RTN1: variants seen among roughly 807,000 people sequenced by gnomAD.
RTN1 encodes the protein reticulon-1.
A neutral mutation model predicts 65.5 loss-of-function variants in RTN1; 25 were observed. The ratio of observed to expected loss-of-function variants is 0.38; its 90% CI spans 0.28 to 0.53. The LOEUF (loss-of-function observed/expected upper bound fraction) is 0.53. Among genes scored for constraint, RTN1 ranks in the 20% least tolerant of loss-of-function variants. The pLI, the probability that RTN1 is intolerant of heterozygous loss-of-function variation, is 0.79. For synonymous variants in RTN1, 471 were observed against 447.6 expected (o/e 1.05, Z -0.66); for missense variants, 983 against 1,025.4 (o/e 0.96, Z 0.57).
At chr14:59,852,676 T>C (rs948689185) in intron 1 of RTN1, among the ~76,000 whole-genome samples, 13 of 152,226 alleles carry the variant, frequency 8.5e-5, no homozygotes, top group African/African-American at 3.1e-4. Context: ...GAGCCATGAC[T>C]GGAATCCAAT....
intron 3 of RTN1, among the ~76,000 whole-genome samples, chr14:59,656,906 G>A (rs1048391130): frequency 6.6e-6 from 1 of 151,930 alleles, no homozygotes; most frequent in Admixed American, 6.6e-5. Flanking sequence ...GCATTCTACA[G>A]CAGTTCTAGA....
chr14:59,820,603 G>GT (rs932084053), intron 1 of RTN1, among the ~76,000 whole-genome samples: 5 of 152,082 alleles, frequency 3.3e-5, no homozygotes, highest in African/African-American at 1.2e-4. Flanking sequence ...GGTCGGTGCA[G>GT]TTTCAGTCTT....
chr14:59,819,037 G>T (rs536707931), intron 1 of RTN1, among the ~76,000 whole-genome samples: 1 of 152,114 alleles, frequency 6.6e-6, no homozygotes, highest in South Asian at 2.1e-4. Context: ...GCACACCTTC[G>T]CAGTGAGTGT....
chr14:59,649,276 T>G (rs1182346073), intron 3 of RTN1, among the ~76,000 whole-genome samples: 2 of 152,098 alleles, frequency 1.3e-5, no homozygotes, highest in African/African-American at 4.8e-5. Context: ...ATTGAAGACT[T>G]AAAAGTAAGA....
chr14:59,839,825 C>A (rs1887279241), intron 1 of RTN1, among the ~76,000 whole-genome samples: 1 of 151,716 alleles, frequency 6.6e-6, no homozygotes, highest in African/African-American at 2.4e-5. Context: ...AATGAATTTC[C>A]TTTGTAGAAA....
rs1476008585 is a variant in RTN1, at chr14:59,749,284, A to G, written c.242-2803T>C. On this transcript the variant is annotated intron_variant, in intron 1 of 8. Coordinates refer to ENST00000267484, the MANE Select transcript of RTN1 (RefSeq NM_021136.3). Reference sequence around the variant, plus strand: ...TATATATCTATATATATATCTATATATATCTATATATATCTATATATATCT... The same window carrying G: ...TATATATCTATATATATATCTATATGTATCTATATATATCTATATATATCT... Among the ~76,000 whole-genome samples, 2 of 67,440 alleles carry G rather than the reference A, an allele frequency of 3.0e-5. 1 individual carries two copies. Among genetic ancestry groups the G allele is most frequent in the Non-Finnish European group, 4.6e-5 (2 of 43,378 alleles). The allele number at this position is 67,440 out of a possible 152,430, so 44.2% of individuals were successfully genotyped here. A position where few individuals can be genotyped will look rare whatever the true frequency, so the allele number is the denominator to read the frequency against.
chr14:59,819,352 C>T (rs1238140888), intron 1 of RTN1, among the ~76,000 whole-genome samples: 7 of 136,950 alleles, frequency 5.1e-5, no homozygotes. Context: ...GATTGGTCCA[C>T]TTTACAGAGA....
intron 1 of RTN1, among the ~76,000 whole-genome samples, chr14:59,820,356 GTTTTTTTT>G (rs34274539): frequency 2.5e-5 from 2 of 79,330 alleles, no homozygotes; most frequent in East Asian, 4.6e-4. Context: ...CTTATTGATA[GTTTTTTTT>G]TTTTTTTTTT....
chr14:59,679,929 G>A (rs887739723), intron 3 of RTN1, among the ~76,000 whole-genome samples: 2 of 152,132 alleles, frequency 1.3e-5, no homozygotes, highest in African/African-American at 4.8e-5. Context: ...TAAAAAAATA[G>A]AACTTCTTAA....
chr14:59,748,835 G>A (rs1885286044), intron 1 of RTN1, among the ~76,000 whole-genome samples: 1 of 151,904 alleles, frequency 6.6e-6, no homozygotes, highest in Non-Finnish European at 1.5e-5. Context: ...TGTCGCCCAG[G>A]CTGGAGTGCA....
chr14:59,785,491 A>T (rs1309669614), intron 1 of RTN1, among the ~76,000 whole-genome samples: 1 of 152,166 alleles, frequency 6.6e-6, no homozygotes, highest in Admixed American at 6.6e-5. Context: ...TCTCTACCTA[A>T]ATACATTTGT....
Position 59,846,323 on chromosome 14 carries a change from T to C in RTN1, c.241+24067A>G, listed in dbSNP as rs75084626. On this transcript the variant is annotated intron_variant, in intron 1 of 8. Transcript: ENST00000267484. The surrounding 1 kb of genome is among the most constrained non-coding windows in gnomAD (Gnocchi z 4.8). ...GCTCACCTACAGCAGACATCACTCATTAATCCCGGCATTCTTTCCACAGCA... is the reference window on the plus strand; with the variant it reads ...GCTCACCTACAGCAGACATCACTCACTAATCCCGGCATTCTTTCCACAGCA... Among the ~76,000 whole-genome samples the C allele has an allele frequency of 3.5e-3, 528 of 152,244 alleles. 19 individuals are homozygous for C. The East Asian group carries it at 0.06, about 17-fold the overall frequency.
intron 3 of RTN1, among the ~76,000 whole-genome samples, chr14:59,698,424 G>T (rs1302835168): frequency 6.6e-6 from 1 of 152,128 alleles, no homozygotes; most frequent in Non-Finnish European, 1.5e-5. Flanking sequence ...AAAATAAGGT[G>T]ATATAGTTTG....
chr14:59,645,011 T>C (rs1313202185), intron 3 of RTN1, among the ~76,000 whole-genome samples: 1 of 152,170 alleles, frequency 6.6e-6, no homozygotes, highest in African/African-American at 2.4e-5. Context: ...CTTCTTGCCA[T>C]AGGGCTCTAG....
chr14:59,761,879 G>A (rs564155995), intron 1 of RTN1, among the ~76,000 whole-genome samples: 32 of 152,282 alleles, frequency 2.1e-4, no homozygotes, highest in East Asian at 7.7e-4. Flanking sequence ...TTGAACATGC[G>A]TCTCTGGGAC....
chr14:59,840,886 C>A (rs543529322), intron 1 of RTN1, among the ~76,000 whole-genome samples: 1 of 152,254 alleles, frequency 6.6e-6, no homozygotes, highest in African/African-American at 2.4e-5. Context: ...CTTTTTCATG[C>A]CATTCACAAA....
intron 1 of RTN1, among the ~76,000 whole-genome samples, chr14:59,760,273 T>C (rs1885722826): frequency 6.6e-6 from 1 of 152,218 alleles, no homozygotes; most frequent in South Asian, 2.1e-4. Flanking sequence ...TAGATGCAGA[T>C]ATATAGAATA....
intron 3 of RTN1, among the ~76,000 whole-genome samples, chr14:59,657,624 C>A (rs1883149443): frequency 6.6e-6 from 1 of 152,110 alleles, no homozygotes; most frequent in African/African-American, 2.4e-5. Context: ...CCTTGCCTCA[C>A]CCAGGAAGTG....
intron 3 of RTN1, among the ~76,000 whole-genome samples, chr14:59,724,992 T>C (rs561071246): frequency 6.6e-6 from 1 of 152,276 alleles, no homozygotes; most frequent in East Asian, 1.9e-4. Flanking sequence ...ATTATTCACC[T>C]TGGCACGCCC....
Sources: allele counts gnomAD v4.1 joint callset (sites outside exome capture counted in the v4.1 genomes callset), GRCh38; gene constraint gnomAD v4.1.1; non-coding constraint Gnocchi (gnomAD v3.1); transcripts MANE v1.5; gene names NCBI Gene and HGNC (gene_info 2026-07-23, HGNC 2026-07-21).